Variants in SENP7 observed in about 807,000 individuals in gnomAD.
SENP7 encodes SUMO specific peptidase 7, also known as sentrin-specific protease 7.
In SENP7, 64 loss-of-function variants were observed where a neutral mutation model predicts 141.2. That is an observed-to-expected ratio of 0.45 (90% CI 0.37 to 0.56). The LOEUF is 0.56. Ranked by LOEUF, SENP7 falls within the 20% of genes least tolerant of loss-of-function variation. The pLI is 0.00. For missense variants in SENP7, 1,025 were observed against 1,212.2 expected (o/e 0.85, Z 2.29); for synonymous variants, 382 against 426.4 (o/e 0.90, Z 1.28).
At chr3:101,408,480 A>G (rs957756346) in intron 5 of SENP7, among the ~76,000 whole-genome samples, 1 of 152,162 alleles carries the variant, frequency 6.6e-6, no homozygotes, top group Non-Finnish European at 1.5e-5. Flanking sequence ...GGACATTAAA[A>G]AAAGAAAACT....
chr3:101,444,090 CAG>C (rs1459949166), intron 4 of SENP7, among the ~76,000 whole-genome samples: 1 of 131,826 alleles, frequency 7.6e-6, no homozygotes, highest in Non-Finnish European at 1.7e-5. Flanking sequence ...AGGACATGAA[CAG>C]AGACTTCTCA....
chr3:101,495,430 A>G (rs2065124477), intron 2 of SENP7, among the ~76,000 whole-genome samples: 2 of 152,216 alleles, frequency 1.3e-5, no homozygotes, highest in South Asian at 2.1e-4. Flanking sequence ...AAATCATTCT[A>G]TTACAAAGAT....
At chr3:101,499,362 G>A (rs2065281102) in intron 2 of SENP7, among the ~76,000 whole-genome samples, 1 of 152,038 alleles carries the variant, frequency 6.6e-6, no homozygotes, top group Admixed American at 6.5e-5. Flanking sequence ...TCCTGGCAAT[G>A]TAAGGTTTTT....
intron 3 of SENP7, among the ~76,000 whole-genome samples, chr3:101,483,092 A>C (rs181556015): frequency 1.3e-5 from 2 of 152,340 alleles, no homozygotes; most frequent in Admixed American, 6.5e-5. Flanking sequence ...CCCATTACTG[A>C]GTATATGTCC....
chr3:101,417,144 C>T (rs931906091), intron 5 of SENP7, among the ~76,000 whole-genome samples: 1 of 151,952 alleles, frequency 6.6e-6, no homozygotes, highest in African/African-American at 2.4e-5. Flanking sequence ...ATTTAAAATA[C>T]AAGCTCAAAA....
intron 4 of SENP7, among the ~76,000 whole-genome samples, chr3:101,451,477 C>A (rs2063132456): frequency 6.6e-6 from 1 of 152,178 alleles, no homozygotes; most frequent in Admixed American, 6.5e-5. Context: ...AGAACACTGG[C>A]AAACCGAATC....
Position 101,463,370 on chromosome 3 carries a change from T to A in SENP7, c.187-4318A>T, listed in dbSNP as rs980384335. On this transcript the variant is annotated intron_variant, in intron 3 of 23. Coordinates refer to ENST00000394095, the MANE Select transcript of SENP7 (RefSeq NM_020654.5). ...TATCATAAATAAATAAATAAATATATATATATATATATATATATATATATA... is the reference window on the plus strand; with the variant it reads ...TATCATAAATAAATAAATAAATATAAATATATATATATATATATATATATA... 5.1e-3 allele frequency among the ~76,000 whole-genome samples: 430 copies of A among 83,560 alleles called. 3 individuals are homozygous for A. The highest frequency in any genetic ancestry group is 0.017 in the South Asian group (44 of 2,568). The allele number at this position is 83,560 out of a possible 152,430, so 54.8% of individuals were successfully genotyped here. A position where few individuals can be genotyped will look rare whatever the true frequency, so the allele number is the denominator to read the frequency against.
chr3:101,444,317 T>C (rs1451156999), intron 4 of SENP7, among the ~76,000 whole-genome samples: 1 of 151,566 alleles, frequency 6.6e-6, no homozygotes. Context: ...GTTCAACCAC[T>C]GTGGAAGTCA....
intron 5 of SENP7, among the ~76,000 whole-genome samples, chr3:101,401,541 G>GA (rs573707325): frequency 3.0e-4 from 44 of 145,322 alleles, no homozygotes; most frequent in Middle Eastern, 6.9e-3. Context: ...AAAAAAAAAG[G>GA]AAAAAAAAGG....
At chr3:101,482,824 A>G (rs866778955) in intron 3 of SENP7, among the ~76,000 whole-genome samples, 3 of 152,190 alleles carry the variant, frequency 2.0e-5, no homozygotes, top group Middle Eastern at 3.2e-3. Context: ...CAGTCAACTG[A>G]TCTTTGGCCA....
chr3:101,429,446 T>C (rs543374322), intron 4 of SENP7, among the ~76,000 whole-genome samples: 30 of 152,300 alleles, frequency 2.0e-4, no homozygotes. Context: ...TTTTATTCTC[T>C]TTGTAGCAAT....
chr3:101,422,902 C>A (rs1392353940), intron 4 of SENP7, among the ~76,000 whole-genome samples: 1 of 151,814 alleles, frequency 6.6e-6, no homozygotes, highest in Non-Finnish European at 1.5e-5. Flanking sequence ...AATTTTTCAA[C>A]AAAAGTAGTT....
At chr3:101,394,310 T>C (rs1353494951) in intron 6 of SENP7, among the ~76,000 whole-genome samples, 2 of 152,170 alleles carry the variant, frequency 1.3e-5, no homozygotes, top group East Asian at 1.9e-4. Flanking sequence ...TGGTATTCCA[T>C]TGTGTATACA....
intron 5 of SENP7, among the ~76,000 whole-genome samples, chr3:101,402,545 C>G (rs1379097324): frequency 1.4e-5 from 2 of 138,600 alleles, no homozygotes; most frequent in Non-Finnish European, 3.0e-5. Context: ...TCGCTTGAAC[C>G]TGGGAGGCGG....
intron 5 of SENP7, among the ~76,000 whole-genome samples, chr3:101,417,327 T>C (rs1354726794): frequency 6.6e-6 from 1 of 152,184 alleles, no homozygotes; most frequent in African/African-American, 2.4e-5. Context: ...AAAAGATGTG[T>C]ACATGTATCA....
chr3:101,499,922 G>A lies in SENP7; in HGVS notation c.90+1148C>T, dbSNP rs553557972. Among the ~76,000 whole-genome samples the A allele has an allele frequency of 3.3e-5, 5 of 151,860 alleles. No homozygotes were observed. The East Asian group carries it at 1.0e-3, about 30-fold the overall frequency. ...GACCTAAGATGATCCGCCCGCCTCA[G>A]CACAAGATTTTTTTTAACCTCCTAT... On this transcript the variant is annotated intron_variant, in intron 2 of 23. Transcript: ENST00000394095.
At chr3:101,511,184 C>T (rs1232937275) in intron 1 of SENP7, among the ~76,000 whole-genome samples, 2 of 152,080 alleles carry the variant, frequency 1.3e-5, no homozygotes, top group African/African-American at 4.8e-5. Flanking sequence ...ATATAACTAA[C>T]GTAAATATCA....
chr3:101,428,622 A>C (rs1170012352), intron 4 of SENP7, among the ~76,000 whole-genome samples: 2 of 152,166 alleles, frequency 1.3e-5, no homozygotes, highest in African/African-American at 4.8e-5. Context: ...GACAGATTGC[A>C]AAAATTTTCT....
chr3:101,487,025 G>A (rs1046902859), intron 3 of SENP7, among the ~76,000 whole-genome samples: 1 of 152,062 alleles, frequency 6.6e-6, no homozygotes, highest in Non-Finnish European at 1.5e-5. Flanking sequence ...GACAAAGATG[G>A]GCATTATATA....
Sources: allele counts gnomAD v4.1 joint callset (sites outside exome capture counted in the v4.1 genomes callset), GRCh38; gene constraint gnomAD v4.1.1; transcripts MANE v1.5; gene names NCBI Gene and HGNC (gene_info 2026-07-23, HGNC 2026-07-21).